The following ZNF823 variants were observed in gnomAD, a reference collection of about 807,000 sequenced individuals.
The protein encoded by ZNF823 is zinc finger protein 823.
Under a neutral mutation model 11.4 loss-of-function variants are expected in ZNF823, and 5 were observed. The ratio of observed to expected loss-of-function variants is 0.44; its 90% CI spans 0.23 to 0.92. ZNF823 has a LOEUF of 0.92. ZNF823 is among the 40% of genes least tolerant of loss of function. The probability of loss-of-function intolerance (pLI) is 0.24; values close to 1 mark genes in which losing one functional copy is unlikely to be tolerated. For missense variants in ZNF823, 582 were observed against 738.5 expected, an observed-to-expected ratio of 0.79 and a Z score of 2.46; for synonymous variants, 234 against 250.5, an observed-to-expected ratio of 0.93 and a Z score of 0.62.
chr19:11,727,501 T>G (rs1223527707), intron 1 of ZNF823, among the ~76,000 whole-genome samples: 1 of 151,848 alleles, frequency 6.6e-6, no homozygotes, highest in Non-Finnish European at 1.5e-5. Context: ...AGAGTGAGAC[T>G]CCATCTCAAA....
chr19:11,723,455 C>T (rs1974732966), intron 3 of ZNF823, 113 bp from the exon 4 acceptor site: 2 of 953,652 alleles, frequency 2.1e-6, no homozygotes, highest in Non-Finnish European at 3.0e-6. Flanking sequence ...GGCTTCATCC[C>T]CTGTTTGAAT....
chr19:11,738,904 G>T lies in ZNF823; in HGVS notation c.-85C>A. 6.6e-7 allele frequency: 1 copy of T among 1,521,296 alleles called. No homozygotes were observed. Among genetic ancestry groups the T allele is most frequent in the Non-Finnish European group, 8.8e-7 (1 of 1,130,414 alleles). The allele number at this position is 1,521,296 out of a possible 1,614,324, so 94.2% of individuals were successfully genotyped here. A position where few individuals can be genotyped will look rare whatever the true frequency, so the allele number is the denominator to read the frequency against. On this transcript the variant is annotated 5_prime_UTR_variant, in exon 1 of 4. Transcript: ENST00000341191. ...CAGACGCTGATACAGACCTTCCAGG[G>T]CGTCTCTCTCTCAGCGCCAGAGCCA...
Position 11,723,148 on chromosome 19 carries a change from T to C in ZNF823, c.386A>G (p.Gln129Arg). 2 of 1,614,222 alleles carry C rather than the reference T, an allele frequency of 1.2e-6. No individual in the cohort carries two copies. The highest frequency in any genetic ancestry group is 1.7e-6 in the Non-Finnish European group (2 of 1,180,046). Residue 129 changes from glutamine to arginine, a missense_variant, in exon 4 of 4, where the codon CAG becomes CGG. Gln to Arg is a conservative substitution (Grantham distance 43). Transcript: ENST00000341191. The stretch of plus-strand genomic sequence containing the variant: ...TGTATATGGCTTCTCTCCATATTCC[T>C]GATGCTCACATGATTTGTGTCCAGT... ...VDTGHKSCEH[Q>R]EYGEKPYTHK...
At chr19:11,731,288 G>A (rs560267260) in intron 1 of ZNF823, among the ~76,000 whole-genome samples, 70 of 151,898 alleles carry the variant, frequency 4.6e-4, no homozygotes, top group Non-Finnish European at 8.5e-4. Flanking sequence ...CTCCAGCCTG[G>A]GCAATAACAA....
At chr19:11,725,172 A>C (rs377530804) in intron 2 of ZNF823, 29 bp downstream of exon 2, 68 of 1,602,790 alleles carry the variant, frequency 4.2e-5, no homozygotes, top group Non-Finnish European at 5.4e-5. Context: ...TCTCTAATTG[A>C]CTAAGTGAAG....
At chr19:11,732,182 T>TTTTTTTTTTGG (rs1568469770) in intron 1 of ZNF823, among the ~76,000 whole-genome samples, 1 of 150,512 alleles carries the variant, frequency 6.6e-6, no homozygotes, top group Non-Finnish European at 1.5e-5. Context: ...TTTTTTTTTT[T>TTTTTTTTTTGG]GAGATGGAGT....
At chr19:11,736,482 G>A (rs1974994655) in intron 1 of ZNF823, among the ~76,000 whole-genome samples, 1 of 152,164 alleles carries the variant, frequency 6.6e-6, no homozygotes, top group Admixed American at 6.5e-5. Flanking sequence ...TCCCACCACT[G>A]CACTCCAGCC....
rs138364541 is a variant in ZNF823, at chr19:11,721,554, C to T, written c.*147G>A. On this transcript the variant is annotated 3_prime_UTR_variant, in exon 4 of 4. Transcript: ENST00000341191. ...AGAGGGTGCTGGAACCAATCCCCTG[C>T]AATATATTGGGGGATAACTGTATTT... 4.6e-4 allele frequency: 353 copies of T among 772,180 alleles called. 10 individuals are homozygous for T. In the East Asian group the frequency reaches 9.5e-3, roughly 21 times the overall value. The allele number at this position is 772,180 out of a possible 1,614,324, so 47.8% of individuals were successfully genotyped here. A position where few individuals can be genotyped will look rare whatever the true frequency, so the allele number is the denominator to read the frequency against.
intron 2 of ZNF823, among the ~76,000 whole-genome samples, chr19:11,724,598 G>A (rs1314634053): frequency 3.0e-5 from 4 of 132,198 alleles, no homozygotes; most frequent in South Asian, 2.4e-4. Flanking sequence ...CCGCTCTGTC[G>A]CCCAGGCTGG....
chr19:11,729,176 A>G (rs948101301), intron 1 of ZNF823, among the ~76,000 whole-genome samples: 2 of 57,620 alleles, frequency 3.5e-5, no homozygotes, highest in Non-Finnish European at 7.7e-5. Flanking sequence ...CTCTGTCTCA[A>G]AAAAAAAAAA....
chr19:11,731,935 T>C (rs541725196), intron 1 of ZNF823, among the ~76,000 whole-genome samples: 20 of 144,598 alleles, frequency 1.4e-4, no homozygotes, highest in African/African-American at 5.2e-4. Flanking sequence ...TTTGAACCCG[T>C]GAGGCAGAGG....
intron 1 of ZNF823, 21 bp downstream of exon 1, chr19:11,738,796 C>G (rs773539391): frequency 6.2e-7 from 1 of 1,608,678 alleles, no homozygotes; most frequent in African/African-American, 1.3e-5. Context: ...TGCCTCGGGA[C>G]GCCGGGCCCC....
chr19:11,728,018 A>G (rs1974825369), intron 1 of ZNF823, among the ~76,000 whole-genome samples: 1 of 152,018 alleles, frequency 6.6e-6, no homozygotes, highest in Non-Finnish European at 1.5e-5. Context: ...TTGGGACTAC[A>G]GGCACATGCC....
At chr19:11,727,712 T>C (rs1160950188) in intron 1 of ZNF823, among the ~76,000 whole-genome samples, 1 of 152,192 alleles carries the variant, frequency 6.6e-6, no homozygotes, top group African/African-American at 2.4e-5. Flanking sequence ...GGAGTTTTTA[T>C]TTGCCCTTGT....
At chr19:11,736,235 G>A (rs1303130410) in intron 1 of ZNF823, among the ~76,000 whole-genome samples, 1 of 152,158 alleles carries the variant, frequency 6.6e-6, no homozygotes, top group Admixed American at 6.5e-5. Context: ...ACAGACCTGA[G>A]GCTGGGCACG....
intron 3 of ZNF823, 50 bp from the exon 4 acceptor site, chr19:11,723,392 T>G: frequency 7.1e-7 from 1 of 1,402,500 alleles, no homozygotes; most frequent in South Asian, 1.4e-5. Context: ...TAAGTGATTT[T>G]CTATATATTG....
chr19:11,733,467 G>A lies in ZNF823; in HGVS notation c.3+5350C>T, dbSNP rs184071431. Among the ~76,000 whole-genome samples the A allele has an allele frequency of 2.4e-3, 358 of 152,208 alleles. 2 individuals carry two copies. The highest frequency in any genetic ancestry group is 8.2e-3 in the African/African-American group (341 of 41,552). On this transcript the variant is annotated intron_variant, in intron 1 of 3. Coordinates refer to ENST00000341191, the MANE Select transcript of ZNF823 (RefSeq NM_001080493.4). The stretch of plus-strand genomic sequence containing the variant: ...TGTATTCTCAGCACTTTGGGAGGCC[G>A]AGGTAGGAGAATCATCTGAGGTCAG...
At position 11,731,567 on chromosome 19, in the gene ZNF823, C is replaced by A. The variant is rs76157047; in HGVS notation, c.4-6240G>T. ...GGTGTCCAGTAGTTCAATTCTTATA[C>A]CACCCAGAATTAACACAGATCCCAT... is the stretch of plus-strand genomic sequence containing the variant. On this transcript the variant is annotated intron_variant, in intron 1 of 3. Transcript: ENST00000341191. 4.2e-4 allele frequency among the ~76,000 whole-genome samples: 64 copies of A among 152,248 alleles called. 1 individual carries two copies. The highest frequency in any genetic ancestry group is 1.8e-4 in the Non-Finnish European group (12 of 68,036).
Position 11,738,883 on chromosome 19 carries a change from C to A in ZNF823, c.-64G>T, listed in dbSNP as rs1599713227. ...CCAGTGTGGGTCCCAGCGCGACAGA[C>A]GCTGATACAGACCTTCCAGGGCGTC... On this transcript the variant is annotated 5_prime_UTR_variant, in exon 1 of 4. Transcript: ENST00000341191. 1.3e-6 allele frequency: 2 copies of A among 1,579,528 alleles called. No homozygotes were observed. Among genetic ancestry groups the A allele is most frequent in the East Asian group, 2.3e-5 (1 of 43,270 alleles).
Sources: allele counts gnomAD v4.1 joint callset (sites outside exome capture counted in the v4.1 genomes callset), GRCh38; gene constraint gnomAD v4.1.1; transcripts MANE v1.5; gene names NCBI Gene and HGNC (gene_info 2026-07-23, HGNC 2026-07-21).